SP100: variants seen among roughly 807,000 people sequenced by gnomAD.
SP100 encodes the protein nuclear autoantigen Sp-100.
In SP100, 84 loss-of-function variants were observed where a neutral mutation model predicts 130.0. The observed-to-expected ratio is 0.65, with a 90% CI of 0.54 to 0.77. The LOEUF is 0.77. Ranked by LOEUF, SP100 falls within the 30% of genes least tolerant of loss-of-function variation. The probability of loss-of-function intolerance (pLI) is 0.00; values close to 1 mark genes in which losing one functional copy is unlikely to be tolerated. For synonymous variants in SP100, 331 were observed against 351.7 expected (o/e 0.94, Z 0.66); for missense variants, 978 against 1,052.2 (o/e 0.93, Z 0.97).
intron 13 of SP100, among the ~76,000 whole-genome samples, chr2:230,468,440 A>G (rs539310269): frequency 3.3e-5 from 5 of 152,336 alleles, no homozygotes; most frequent in African/African-American, 1.2e-4. Context: ...ACACGGACTC[A>G]TGGCAACTCA....
intron 2 of SP100, among the ~76,000 whole-genome samples, chr2:230,425,139 T>G (rs755384527): frequency 8.5e-5 from 13 of 152,236 alleles, no homozygotes; most frequent in Non-Finnish European, 1.8e-4. Flanking sequence ...ATAGTTACCA[T>G]TGCGTGTGTG....
At chr2:230,526,486 A>T (rs553037670) in intron 24 of SP100, among the ~76,000 whole-genome samples, 47 of 152,332 alleles carry the variant, frequency 3.1e-4, no homozygotes, top group Admixed American at 5.2e-4. Flanking sequence ...TGAAAATTCC[A>T]AAAACAGAGC....
intron 12 of SP100, 139 bp from the exon 13 acceptor site, chr2:230,466,981 G>C: frequency 1.7e-6 from 1 of 583,658 alleles, no homozygotes; most frequent in Non-Finnish European, 3.1e-6. Flanking sequence ...GATCATGGAG[G>C]TTTGAGGCAC....
At chr2:230,501,702 G>C (rs1201207216) in intron 19 of SP100, among the ~76,000 whole-genome samples, 1 of 152,098 alleles carries the variant, frequency 6.6e-6, no homozygotes, top group East Asian at 1.9e-4. Flanking sequence ...CACACCCTAT[G>C]ATACCAGCCA....
intron 10 of SP100, 61 bp from the exon 11 acceptor site, chr2:230,464,006 T>A: frequency 8.8e-7 from 1 of 1,137,982 alleles, no homozygotes; most frequent in East Asian, 2.4e-5. Context: ...GGGAATTTCC[T>A]ACTGAACTGA....
intron 22 of SP100, 39 bp from the exon 23 acceptor site, chr2:230,507,954 C>T: frequency 8.1e-6 from 13 of 1,600,180 alleles, no homozygotes; most frequent in Non-Finnish European, 1.1e-5. Flanking sequence ...AAAATAAAAG[C>T]AAGAACCCAT....
chr2:230,447,801 T>G (rs2063773803), intron 5 of SP100, among the ~76,000 whole-genome samples: 1 of 152,206 alleles, frequency 6.6e-6, no homozygotes. Context: ...CCTGGATTGA[T>G]TAAATCATTG....
At chr2:230,521,066 C>T (rs565827194) in intron 24 of SP100, among the ~76,000 whole-genome samples, 36 of 152,280 alleles carry the variant, frequency 2.4e-4, no homozygotes, top group Non-Finnish European at 4.4e-4. Context: ...AATCACAAGA[C>T]CTTCCCAAGG....
chr2:230,522,957 G>A (rs1691246577), intron 24 of SP100, among the ~76,000 whole-genome samples: 1 of 152,020 alleles, frequency 6.6e-6, no homozygotes. Flanking sequence ...TAGGATTACA[G>A]GCACCCACCA....
chr2:230,488,769 T>C (rs1329850313), intron 17 of SP100, among the ~76,000 whole-genome samples: 2 of 152,220 alleles, frequency 1.3e-5, no homozygotes, highest in Non-Finnish European at 2.9e-5. Context: ...TCTGCATCTA[T>C]TGAGATAATC....
intron 24 of SP100, among the ~76,000 whole-genome samples, chr2:230,523,521 AAAAGC>A (rs1448428112): frequency 6.6e-6 from 1 of 152,082 alleles, no homozygotes; most frequent in Non-Finnish European, 1.5e-5. Context: ...AAAAATAAAT[AAAAGC>A]AAAACAGTAT....
intron 2 of SP100, among the ~76,000 whole-genome samples, chr2:230,431,359 A>T (rs907263337): frequency 2.0e-5 from 3 of 152,232 alleles, no homozygotes; most frequent in Non-Finnish European, 2.9e-5. Flanking sequence ...GAGAAACCTT[A>T]GGCTCAGGGA....
intron 2 of SP100, among the ~76,000 whole-genome samples, chr2:230,439,163 G>C (rs1412434352): frequency 6.6e-6 from 1 of 151,980 alleles, no homozygotes; most frequent in African/African-American, 2.4e-5. Flanking sequence ...TTTGAGAATT[G>C]TCTATTCATA....
chr2:230,427,896 A>G (rs982827582), intron 2 of SP100, among the ~76,000 whole-genome samples: 6 of 152,216 alleles, frequency 3.9e-5, no homozygotes, highest in African/African-American at 9.6e-5. Flanking sequence ...TCTGTCTCCA[A>G]TAACAAATTA....
At chr2:230,482,891 T>C (rs1178555201) in intron 17 of SP100, among the ~76,000 whole-genome samples, 1 of 152,206 alleles carries the variant, frequency 6.6e-6, no homozygotes, top group Admixed American at 6.5e-5. Context: ...ATCATTCTTA[T>C]AACTTTTAAT....
In SP100 at chr2:230,540,984, T is replaced by G; in HGVS notation, c.2319T>G (p.Pro773=). ...ESEVLMRQML[P]EEQLKCEFLL... is the part of the protein sequence containing the mutation. Reference sequence around the variant, plus strand: ...AAGTCCTGATGAGGCAGATGCTGCCTGAGGAGCAGTTGGTGAGTAAAAATG... The same window carrying G: ...AAGTCCTGATGAGGCAGATGCTGCCGGAGGAGCAGTTGGTGAGTAAAAATG... Residue 773 remains proline (P), a synonymous_variant, in exon 26 of 29, where the codon CCT becomes CCG. Coordinates refer to ENST00000340126, the MANE Select transcript of SP100 (RefSeq NM_001080391.2). 6.2e-7 allele frequency: 1 copy of G among 1,611,780 alleles called. No individual in the cohort carries two copies. Among genetic ancestry groups the G allele is most frequent in the Non-Finnish European group, 8.5e-7 (1 of 1,178,468 alleles).
At chr2:230,522,136 G>A (rs2150097424) in intron 24 of SP100, among the ~76,000 whole-genome samples, 1 of 152,222 alleles carries the variant, frequency 6.6e-6, no homozygotes, top group African/African-American at 2.4e-5. Context: ...AGGAATTTCT[G>A]TTTGCAGGCT....
At chr2:230,504,534 A>G (rs2067213767) in intron 21 of SP100, among the ~76,000 whole-genome samples, 1 of 152,218 alleles carries the variant, frequency 6.6e-6, no homozygotes, top group Non-Finnish European at 1.5e-5. Context: ...ACCAAAAGCA[A>G]GCTTCCAGGA....
intron 18 of SP100, among the ~76,000 whole-genome samples, chr2:230,496,709 C>T (rs768882359): frequency 6.6e-6 from 1 of 152,140 alleles, no homozygotes; most frequent in Non-Finnish European, 1.5e-5. Flanking sequence ...CCAAAGTTCC[C>T]CTAATTCAGG....
Sources: allele counts gnomAD v4.1 joint callset (sites outside exome capture counted in the v4.1 genomes callset), GRCh38; gene constraint gnomAD v4.1.1; transcripts MANE v1.5; gene names NCBI Gene and HGNC (gene_info 2026-07-23, HGNC 2026-07-21).